The following PRKCH variants were observed in gnomAD, a reference collection of about 807,000 sequenced individuals.
The protein encoded by PRKCH is protein kinase C eta type.
A neutral mutation model predicts 82.5 loss-of-function variants in PRKCH; 28 were observed. That is an observed-to-expected ratio of 0.34 (90% confidence interval 0.25 to 0.47). PRKCH has a LOEUF of 0.47. Ranked by LOEUF, PRKCH falls within the 20% of genes least tolerant of loss-of-function variation. The pLI is 1.00. For missense variants in PRKCH, 705 were observed against 881.8 expected (o/e 0.80, Z 2.54); for synonymous variants, 322 against 327.4 (o/e 0.98, Z 0.18).
rs35214569 is a variant in PRKCH, at chr14:61,285,136, A to AT, written c.-19+97475dup. ...CTTTCCCCCTAACGTTTTCTTTCAG[A>AT]TTTTTTTCCTTGGGATAAAATTCTA... is the stretch of plus-strand genomic sequence containing the variant. On this transcript the variant is annotated intron_variant, in intron 1 of 3. Transcript: ENST00000555185. 7.5e-3 allele frequency among the ~76,000 whole-genome samples: 1,139 copies of AT among 152,172 alleles called. 43 individuals are homozygous for AT. In the East Asian group the frequency reaches 0.11, roughly 14 times the overall value.
At chr14:61,543,804 C>G (rs1159268703) in intron 12 of PRKCH, 1 of 152,236 alleles carries the variant, frequency 6.6e-6, no homozygotes, top group Non-Finnish European at 1.5e-5. Flanking sequence ...CCATTCACAG[C>G]AGTAGGAACA....
chr14:61,254,312 C>T (rs941098304), intron 1 of PRKCH, among the ~76,000 whole-genome samples: 1 of 151,974 alleles, frequency 6.6e-6, no homozygotes, highest in Non-Finnish European at 1.5e-5. Context: ...CAGAAAAAGT[C>T]GTGATAAAAA....
chr14:61,354,203 A>T (rs951347249), intron 1 of PRKCH, among the ~76,000 whole-genome samples: 1 of 152,146 alleles, frequency 6.6e-6, no homozygotes, highest in African/African-American at 2.4e-5. Flanking sequence ...GCATTTGACC[A>T]TTTAATTTTA....
At chr14:61,496,833 G>A (rs4899052) in intron 10 of PRKCH, among the ~76,000 whole-genome samples, 141,959 of 152,176 alleles carry the variant, frequency 0.93, 66,983 homozygotes, top group East Asian at 1. Flanking sequence ...CATTTATTGA[G>A]CATCTACTAC....
At chr14:61,507,486 G>T (rs1400539276) in intron 10 of PRKCH, among the ~76,000 whole-genome samples, 1 of 152,156 alleles carries the variant, frequency 6.6e-6, no homozygotes, top group Non-Finnish European at 1.5e-5. Context: ...GCACTCTCAT[G>T]ATCATTGCAG....
chr14:61,212,519 G>A (rs2044590640), intron 1 of PRKCH, among the ~76,000 whole-genome samples: 1 of 152,042 alleles, frequency 6.6e-6, no homozygotes, highest in South Asian at 2.1e-4. Flanking sequence ...TCAAGAAATA[G>A]GAGGTTTTTC....
At chr14:61,463,473 T>A (rs1334416618) in intron 9 of PRKCH, 1 of 151,138 alleles carries the variant, frequency 6.6e-6, no homozygotes, top group Non-Finnish European at 1.5e-5. Flanking sequence ...CATAGATTAT[T>A]TCCCCTTTTT....
intron 2 of PRKCH, among the ~76,000 whole-genome samples, chr14:61,408,600 C>A (rs1882092177): frequency 6.6e-6 from 1 of 152,104 alleles, no homozygotes; most frequent in Non-Finnish European, 1.5e-5. Flanking sequence ...GCTAATGATA[C>A]CTAAACCCAG....
At chr14:61,428,076 T>TAGATAGATAGATAGATACACAC (rs377250538) in intron 2 of PRKCH, among the ~76,000 whole-genome samples, 12 of 126,258 alleles carry the variant, frequency 9.5e-5, no homozygotes, top group South Asian at 8.4e-4. Flanking sequence ...GATAGATAGA[T>TAGATAGATAGATAGATACACAC]ACACACACAC....
chr14:61,383,460 G>A (rs2046540706), intron 1 of PRKCH, among the ~76,000 whole-genome samples: 1 of 152,124 alleles, frequency 6.6e-6, no homozygotes, highest in South Asian at 2.1e-4. Flanking sequence ...GTAAGTAATT[G>A]TTCAAGGTAT....
intron 9 of PRKCH, among the ~76,000 whole-genome samples, chr14:61,469,278 G>A (rs12884697): frequency 0.72 from 109,254 of 152,142 alleles, 44,007 homozygotes; most frequent in Non-Finnish European, 0.88. Flanking sequence ...AGGAAGAGAA[G>A]ACCAATACAC....
intron 2 of PRKCH, among the ~76,000 whole-genome samples, chr14:61,405,302 A>C (rs1382806195): frequency 6.6e-6 from 1 of 152,224 alleles, no homozygotes; most frequent in Admixed American, 6.5e-5. Flanking sequence ...ATGGATTATT[A>C]AGAAATTACT....
At chr14:61,544,376 G>A (rs535653570) in intron 12 of PRKCH, 1 of 152,128 alleles carries the variant, frequency 6.6e-6, no homozygotes, top group Admixed American at 6.5e-5. Flanking sequence ...ATTTCCTAGC[G>A]TTTAAATATT....
intron 9 of PRKCH, among the ~76,000 whole-genome samples, chr14:61,470,362 A>G (rs903441845): frequency 1.3e-5 from 2 of 151,936 alleles, no homozygotes; most frequent in African/African-American, 4.8e-5. Flanking sequence ...TGGCAAGACT[A>G]GTCTGTTCAC....
At chr14:61,369,386 TCTC>T (rs1197784306) in intron 1 of PRKCH, among the ~76,000 whole-genome samples, 1 of 152,098 alleles carries the variant, frequency 6.6e-6, no homozygotes, top group Non-Finnish European at 1.5e-5. Context: ...TGAAGTCTCT[TCTC>T]CTGAGAAATT....
chr14:61,239,382 T>G (rs1188656757), intron 1 of PRKCH, among the ~76,000 whole-genome samples: 1 of 152,032 alleles, frequency 6.6e-6, no homozygotes, highest in African/African-American at 2.4e-5. Context: ...TGGGTGCAGG[T>G]GGGCTGAGGC....
At chr14:61,484,643 A>C (rs1171565533) in intron 9 of PRKCH, among the ~76,000 whole-genome samples, 1 of 151,852 alleles carries the variant, frequency 6.6e-6, no homozygotes, top group African/African-American at 2.4e-5. Context: ...CTAGGTTGAG[A>C]GTCACTTAAG....
At position 61,380,048 on chromosome 14, in the gene PRKCH, T is replaced by TTTTTG. The variant is rs377696999; in HGVS notation, c.364-11157_364-11153dup. On this transcript the variant is annotated intron_variant, in intron 1 of 13. Coordinates refer to ENST00000332981, the MANE Select transcript of PRKCH (RefSeq NM_006255.5). ...AGAAGAAAAGTACCTTCTTAGTTCT[T>TTTTTG]TTTTGTTTTGTTTTGTTTTGTTTTA... Among the ~76,000 whole-genome samples, 355 of 150,546 alleles carry TTTTTG rather than the reference T, an allele frequency of 2.4e-3. 1 individual carries two copies. Among genetic ancestry groups the TTTTTG allele is most frequent in the African/African-American group, 6.7e-3 (274 of 40,744 alleles).
intron 12 of PRKCH, among the ~76,000 whole-genome samples, chr14:61,547,351 C>T (rs950086553): frequency 5.9e-5 from 9 of 152,192 alleles, no homozygotes; most frequent in Non-Finnish European, 7.4e-5. Flanking sequence ...AAAAATGGCA[C>T]AGCTGTTTCT....
Sources: gnomAD v4.1 joint callset for allele counts (sites outside exome capture counted in the v4.1 genomes callset) on GRCh38, gnomAD v4.1.1 for gene constraint, MANE v1.5 for transcripts, NCBI Gene and HGNC (gene_info 2026-07-23, HGNC 2026-07-21) for gene names.